PACS1: variants seen among roughly 807,000 people sequenced by gnomAD.
PACS1 encodes phosphofurin acidic cluster sorting protein 1, also known as PACS-1.
PACS1 carries 24 observed loss-of-function variants against 115.0 expected under a neutral mutation model. The observed-to-expected ratio is 0.21, with a 90% CI of 0.15 to 0.29. PACS1 has a LOEUF of 0.29. Among genes scored for constraint, PACS1 ranks in the 10% least tolerant of loss-of-function variants. PACS1 has a pLI of 1.00. For missense variants in PACS1, 838 were observed against 1,251.2 expected, an observed-to-expected ratio of 0.67 and a Z score of 4.98; for synonymous variants, 453 against 504.5, an observed-to-expected ratio of 0.90 and a Z score of 1.37.
At chr11:66,186,214 T>C (rs1242821170) in intron 1 of PACS1, among the ~76,000 whole-genome samples, 1 of 151,784 alleles carries the variant, frequency 6.6e-6, no homozygotes, top group Admixed American at 6.6e-5. Flanking sequence ...AGTTCAAGAT[T>C]GCAGTGAGCT....
At chr11:66,239,938 T>C (rs1335394621) in intron 21 of PACS1, among the ~76,000 whole-genome samples, 1 of 152,260 alleles carries the variant, frequency 6.6e-6, no homozygotes, top group Non-Finnish European at 1.5e-5. Context: ...GGAGGATCGC[T>C]TGAGCCCAGG....
At chr11:66,122,281 G>A (rs1036055093) in intron 1 of PACS1, among the ~76,000 whole-genome samples, 1 of 152,168 alleles carries the variant, frequency 6.6e-6, no homozygotes, top group East Asian at 1.9e-4. Context: ...CTGCTCAGAA[G>A]AAAAGATTCT....
chr11:66,198,624 T>C (rs1854702126), intron 2 of PACS1, among the ~76,000 whole-genome samples: 4 of 152,164 alleles, frequency 2.6e-5, no homozygotes, highest in Admixed American at 2.6e-4. Flanking sequence ...AGGGTGATAA[T>C]TAAAGAATAT....
chr11:66,231,806 G>A, intron 13 of PACS1: 1 of 232,790 alleles, frequency 4.3e-6, no homozygotes, highest in South Asian at 6.6e-5. Flanking sequence ...GTTTCTCTGA[G>A]CACCTGCTGG....
Position 66,219,726 on chromosome 11 carries a change from C to T in PACS1, c.979-20C>T. 1 of 1,607,554 alleles carries T rather than the reference C, an allele frequency of 6.2e-7. No individual in the cohort carries two copies. The highest frequency in any genetic ancestry group is 1.3e-5 in the African/African-American group (1 of 74,890). On this transcript the variant is annotated intron_variant, in intron 7 of 23. Coordinates refer to ENST00000320580, the MANE Select transcript of PACS1 (RefSeq NM_018026.4). ...CCAAGTGGACGTTGCTGAGAACTGT[C>T]ATGCGATTTGTCCCTACAGCAACCT...
rs780562047 is a variant in PACS1, at chr11:66,241,664, C to G, written c.2656+11C>G. On this transcript the variant is annotated intron_variant, in intron 22 of 23. Coordinates refer to ENST00000320580, the MANE Select transcript of PACS1 (RefSeq NM_018026.4). ...AAAAGAACAAGAAAGGTAAGTACCCCCAAGGCCGGGGAAGACCATGGGCCA... is the reference window on the plus strand; with the variant it reads ...AAAAGAACAAGAAAGGTAAGTACCCGCAAGGCCGGGGAAGACCATGGGCCA... 1 of 1,604,192 alleles carries G rather than the reference C, an allele frequency of 6.2e-7. No homozygotes were observed. Among genetic ancestry groups the G allele is most frequent in the Non-Finnish European group, 8.5e-7 (1 of 1,171,800 alleles).
At chr11:66,092,886 CTGTT>C (rs962223838) in intron 1 of PACS1, among the ~76,000 whole-genome samples, 14 of 152,102 alleles carry the variant, frequency 9.2e-5, no homozygotes, top group Non-Finnish European at 1.8e-4. Context: ...ATCTATATCT[CTGTT>C]TGGTACCATG....
In PACS1 at chr11:66,079,224, G is replaced by A. The variant is rs181238978; in HGVS notation, c.356+8382G>A. Among the ~76,000 whole-genome samples, 125 of 150,754 alleles carry A rather than the reference G, an allele frequency of 8.3e-4. 1 individual carries two copies. Among genetic ancestry groups the A allele is most frequent in the Non-Finnish European group, 1.2e-3 (83 of 67,878 alleles). The stretch of plus-strand genomic sequence containing the variant: ...TTTCTGAAACATTGTGTGTGTTTGT[G>A]TGTGAGTATGTGCACTTCTGTATCT... On this transcript the variant is annotated intron_variant, in intron 1 of 23. Coordinates refer to ENST00000320580, the MANE Select transcript of PACS1 (RefSeq NM_018026.4).
chr11:66,121,631 A>G (rs986103895), intron 1 of PACS1, among the ~76,000 whole-genome samples: 3 of 152,228 alleles, frequency 2.0e-5, no homozygotes, highest in African/African-American at 7.2e-5. Flanking sequence ...CGGAATGCTA[A>G]GAAAGCAAAA....
chr11:66,230,445 ACT>A (rs1450254125), intron 11 of PACS1, 101 bp from the exon 12 acceptor site: 2 of 761,648 alleles, frequency 2.6e-6, no homozygotes, highest in Non-Finnish European at 4.5e-6. Flanking sequence ...AAAATGAGTA[ACT>A]CTCTCTTCAG....
chr11:66,229,019 G>A (rs1308305691), intron 11 of PACS1, among the ~76,000 whole-genome samples: 2 of 151,754 alleles, frequency 1.3e-5, no homozygotes, highest in Admixed American at 6.6e-5. Context: ...GAGGAGGCAC[G>A]GGAGGTTAAT....
At chr11:66,122,043 C>T (rs1858455692) in intron 1 of PACS1, among the ~76,000 whole-genome samples, 2 of 152,202 alleles carry the variant, frequency 1.3e-5, no homozygotes, top group Non-Finnish European at 2.9e-5. Context: ...AAGTTAGTGT[C>T]TGGCTTCAAC....
At position 66,236,047 on chromosome 11, in the gene PACS1, C is replaced by G; in HGVS notation, c.2250+107C>G. On this transcript the variant is annotated intron_variant, in intron 19 of 23. Coordinates refer to ENST00000320580, the MANE Select transcript of PACS1 (RefSeq NM_018026.4). The surrounding 1 kb of genome is among the most constrained non-coding windows in gnomAD (Gnocchi z 4.2). The stretch of plus-strand genomic sequence containing the variant: ...TCATCTAGAACAGTGGTTCTCCAGA[C>G]ACTGGAGATTTTGCCTCCAGGGACT... 1 of 1,092,770 alleles carries G rather than the reference C, an allele frequency of 9.2e-7. No homozygotes were observed. Among genetic ancestry groups the G allele is most frequent in the Non-Finnish European group, 1.4e-6 (1 of 706,182 alleles). The allele number at this position is 1,092,770 out of a possible 1,614,324, so 67.7% of individuals were successfully genotyped here. A position where few individuals can be genotyped will look rare whatever the true frequency, so the allele number is the denominator to read the frequency against.
chr11:66,096,367 G>A (rs942420577), intron 1 of PACS1, among the ~76,000 whole-genome samples: 3 of 151,892 alleles, frequency 2.0e-5, no homozygotes, highest in South Asian at 4.2e-4. Context: ...GAGCCACTGC[G>A]CCCAGCTAGT....
chr11:66,208,199 A>G (rs1364046375), intron 2 of PACS1, among the ~76,000 whole-genome samples: 2 of 152,132 alleles, frequency 1.3e-5, no homozygotes, highest in African/African-American at 4.8e-5. Context: ...GCGTTTTTCC[A>G]TGTGTGGAGT....
At chr11:66,175,807 C>T (rs1449564348) in intron 1 of PACS1, among the ~76,000 whole-genome samples, 1 of 152,176 alleles carries the variant, frequency 6.6e-6, no homozygotes, top group African/African-American at 2.4e-5. Flanking sequence ...GAAACCTGAG[C>T]GTCGTCTCTG....
At chr11:66,181,364 C>T (rs1280791893) in intron 1 of PACS1, among the ~76,000 whole-genome samples, 1 of 151,784 alleles carries the variant, frequency 6.6e-6, no homozygotes. Context: ...AGGTGTCCAC[C>T]ACCACACCCA....
Position 66,241,224 on chromosome 11 carries a change from G to A in PACS1, c.2430-203G>A. The A allele has an allele frequency of 3.0e-5, 16 of 535,348 alleles. No individual in the cohort carries two copies. The South Asian group carries it at 4.1e-4, about 14-fold the overall frequency. 33.2% of individuals were successfully genotyped at this position (535,348 alleles called of 1,614,324 possible). Reference sequence around the variant, plus strand: ...TATTTGGTTTCCTTTTCGTGACTTGGGCCTTTATTCTCCCCAGCTTTGTTC... The same window carrying A: ...TATTTGGTTTCCTTTTCGTGACTTGAGCCTTTATTCTCCCCAGCTTTGTTC... On this transcript the variant is annotated intron_variant, in intron 21 of 23. Transcript: ENST00000320580.
At chr11:66,217,099 G>A in intron 7 of PACS1, 1 of 378,084 alleles carries the variant, frequency 2.6e-6, no homozygotes, top group Non-Finnish European at 4.9e-6. Context: ...GCTGCTTCAT[G>A]TCACATGCTG....
Sources: allele counts gnomAD v4.1 joint callset (sites outside exome capture counted in the v4.1 genomes callset), GRCh38; gene constraint gnomAD v4.1.1; non-coding constraint Gnocchi (gnomAD v3.1); transcripts MANE v1.5; gene names NCBI Gene and HGNC (gene_info 2026-07-23, HGNC 2026-07-21).